Variants in MAGI3 observed in about 807,000 individuals in gnomAD.
MAGI3 encodes membrane-associated guanylate kinase, WW and PDZ domain-containing protein 3.
A neutral mutation model predicts 121.8 loss-of-function variants in MAGI3; 43 were observed. The observed-to-expected ratio is 0.35, with a 90% CI of 0.28 to 0.46. The LOEUF (loss-of-function observed/expected upper bound fraction) is 0.46. Ranked by LOEUF, MAGI3 falls within the 20% of genes least tolerant of loss-of-function variation. The probability of loss-of-function intolerance (pLI) is 1.00; values close to 1 mark genes in which losing one functional copy is unlikely to be tolerated. For missense variants in MAGI3, 1,547 were observed against 1,797.3 expected (o/e 0.86, Z 2.52); for synonymous variants, 553 against 639.3 (o/e 0.86, Z 2.04).
intron 9 of MAGI3, among the ~76,000 whole-genome samples, chr1:113,637,280 C>T (rs1345415330): frequency 5.9e-5 from 9 of 152,184 alleles, no homozygotes; most frequent in South Asian, 4.2e-4. Context: ...TTATGATGTT[C>T]GCTGGTTATT....
chr1:113,505,342 A>C (rs1657267355), intron 1 of MAGI3, among the ~76,000 whole-genome samples: 1 of 152,114 alleles, frequency 6.6e-6, no homozygotes, highest in African/African-American at 2.4e-5. Flanking sequence ...GCAAAAGCTC[A>C]GCAATAGGTT....
intron 9 of MAGI3, among the ~76,000 whole-genome samples, chr1:113,637,470 A>C (rs1161229717): frequency 6.6e-6 from 1 of 152,120 alleles, no homozygotes; most frequent in East Asian, 1.9e-4. Flanking sequence ...AAAGGATTTT[A>C]TTTCTCCTTC....
At chr1:113,644,576 C>T (rs1221323215) in intron 11 of MAGI3, among the ~76,000 whole-genome samples, 5 of 152,194 alleles carry the variant, frequency 3.3e-5, no homozygotes, top group African/African-American at 7.2e-5. Flanking sequence ...ACACCACGTC[C>T]GGCTGACTAA....
At chr1:113,610,508 G>A (rs993540878) in intron 6 of MAGI3, among the ~76,000 whole-genome samples, 1 of 152,038 alleles carries the variant, frequency 6.6e-6, no homozygotes, top group Non-Finnish European at 1.5e-5. Flanking sequence ...ACGGCCAAGA[G>A]CTTGTTATTT....
intron 1 of MAGI3, among the ~76,000 whole-genome samples, chr1:113,546,847 C>T (rs1659555866): frequency 6.6e-6 from 1 of 151,322 alleles, no homozygotes. Flanking sequence ...CTTTGGGAGG[C>T]CGAGGTGGGC....
At chr1:113,432,447 A>G (rs1653346522) in intron 1 of MAGI3, among the ~76,000 whole-genome samples, 1 of 152,096 alleles carries the variant, frequency 6.6e-6, no homozygotes, top group Non-Finnish European at 1.5e-5. Context: ...ATACTTTTTC[A>G]CTTAAATGTG....
At chr1:113,636,152 A>G (rs2101811571) in intron 9 of MAGI3, among the ~76,000 whole-genome samples, 1 of 150,300 alleles carries the variant, frequency 6.7e-6, no homozygotes, top group Non-Finnish European at 1.5e-5. Context: ...TGGTCGATCA[A>G]TTTTGTTGAT....
intron 1 of MAGI3, among the ~76,000 whole-genome samples, chr1:113,541,821 G>C (rs971793679): frequency 6.6e-6 from 1 of 152,160 alleles, no homozygotes; most frequent in East Asian, 1.9e-4. Context: ...GTAACCTACT[G>C]GTCTATGGAA....
chr1:113,505,240 T>A (rs1657259722), intron 1 of MAGI3, among the ~76,000 whole-genome samples: 1 of 152,098 alleles, frequency 6.6e-6, no homozygotes, highest in Non-Finnish European at 1.5e-5. Flanking sequence ...CAATATTAGA[T>A]GCTAACAAAA....
At chr1:113,537,849 A>G (rs1173720200) in intron 1 of MAGI3, among the ~76,000 whole-genome samples, 1 of 152,214 alleles carries the variant, frequency 6.6e-6, no homozygotes, top group Non-Finnish European at 1.5e-5. Flanking sequence ...TACATTTTGA[A>G]GGATCATTTT....
intron 1 of MAGI3, among the ~76,000 whole-genome samples, chr1:113,453,286 A>G (rs931869162): frequency 6.6e-6 from 1 of 152,212 alleles, no homozygotes; most frequent in African/African-American, 2.4e-5. Context: ...TAAACAACAT[A>G]TAATGCTTGT....
At chr1:113,673,169 G>A (rs528089545) in intron 18 of MAGI3, among the ~76,000 whole-genome samples, 153 bp from the exon 19 acceptor site, 1 of 152,286 alleles carries the variant, frequency 6.6e-6, no homozygotes, top group South Asian at 2.1e-4. Context: ...AAATTAAGTA[G>A]CCCTTTAACC....
At chr1:113,480,434 A>G (rs998300319) in intron 1 of MAGI3, among the ~76,000 whole-genome samples, 1 of 152,006 alleles carries the variant, frequency 6.6e-6, no homozygotes, top group African/African-American at 2.4e-5. Context: ...GCCTGGGGCC[A>G]TGAGAGCTGA....
intron 1 of MAGI3, among the ~76,000 whole-genome samples, chr1:113,471,554 AT>A (rs1017782065): frequency 2.0e-5 from 3 of 152,064 alleles, no homozygotes; most frequent in East Asian, 3.9e-4. Flanking sequence ...TACAGTTACC[AT>A]TTTTTTTAAC....
intron 3 of MAGI3, among the ~76,000 whole-genome samples, chr1:113,583,780 A>G (rs1054856824): frequency 7.6e-6 from 1 of 131,758 alleles, no homozygotes; most frequent in African/African-American, 2.9e-5. Context: ...TTTTCATACA[A>G]ATCTTTGCAT....
At position 113,642,289 on chromosome 1, in the gene MAGI3, C is replaced by T. The variant is rs764085468; in HGVS notation, c.1739C>T (p.Pro580Leu). 1.2e-6 allele frequency: 2 copies of T among 1,613,960 alleles called. No individual in the cohort carries two copies. The highest frequency in any genetic ancestry group is 2.7e-5 in the African/African-American group (2 of 74,886). Residue 580 changes from proline (P) to leucine (L), a missense_variant, in exon 10 of 21, where the codon CCT becomes CTT. Coordinates refer to ENST00000307546, the MANE Select transcript of MAGI3 (RefSeq NM_001142782.2). ...TCCCAGCCTGAACTAGTGACTATCC[C>T]TTTGATTAAGGGCCCTAAAGGGTTT... Reference protein sequence around the residue: ...GSSQPELVTIPLIKGPKGFGF... With the variant: ...GSSQPELVTILLIKGPKGFGF...
intron 1 of MAGI3, among the ~76,000 whole-genome samples, chr1:113,537,843 T>C (rs1343675270): frequency 6.6e-6 from 1 of 152,232 alleles, no homozygotes; most frequent in African/African-American, 2.4e-5. Context: ...ACATTTTACA[T>C]TTTGAAGGAT....
intron 1 of MAGI3, among the ~76,000 whole-genome samples, chr1:113,405,170 C>T (rs1222404219): frequency 1.3e-5 from 2 of 151,988 alleles, no homozygotes; most frequent in African/African-American, 4.8e-5. Context: ...CCTCTCCCAA[C>T]ACATTTTACA....
chr1:113,393,837 CA>C (rs1557732139), intron 1 of MAGI3, among the ~76,000 whole-genome samples: 1 of 152,108 alleles, frequency 6.6e-6, no homozygotes, highest in East Asian at 1.9e-4. Flanking sequence ...ATTGATTTTT[CA>C]ATTTAATAAG....
Sources: allele counts gnomAD v4.1 joint callset (sites outside exome capture counted in the v4.1 genomes callset), GRCh38; gene constraint gnomAD v4.1.1; transcripts MANE v1.5; gene names NCBI Gene and HGNC (gene_info 2026-07-23, HGNC 2026-07-21).